Variants in KCNK12 observed in about 807,000 individuals in gnomAD.
KCNK12 encodes the protein potassium two pore domain channel subfamily K member 12.
A neutral mutation model predicts 25.3 loss-of-function variants in KCNK12; 6 were observed. The observed-to-expected ratio is 0.24, with a 90% CI of 0.13 to 0.47. KCNK12 has a LOEUF of 0.47. Among genes scored for constraint, KCNK12 ranks in the 20% least tolerant of loss-of-function variants. KCNK12 has a pLI of 0.99. For missense variants in KCNK12, 444 were observed against 661.7 expected, an observed-to-expected ratio of 0.67 and a Z score of 3.61; for synonymous variants, 331 against 311.1, an observed-to-expected ratio of 1.06 and a Z score of -0.67.
chr2:47,553,699 T>C lies in KCNK12; in HGVS notation c.391+16242A>G, dbSNP rs186293232. 3.4e-3 allele frequency among the ~76,000 whole-genome samples: 512 copies of C among 152,350 alleles called. 2 individuals are homozygous for C. Among genetic ancestry groups the C allele is most frequent in the African/African-American group, 0.012 (496 of 41,588 alleles). On this transcript the variant is annotated intron_variant, in intron 1 of 1. Transcript: ENST00000327876. ...TTACACCCCTGTTCAAGAACTCCAG[T>C]GGTTTCCTGTTGCCCCCATACCAAG...
In KCNK12 at chr2:47,540,383, C is replaced by G. The variant is rs1485842218; in HGVS notation, c.392-18575G>C. ...GTGAGAGGGCATGGGCTCACCTGCT[C>G]AGGGTTTGAATGAGACCCCGGTAAC... On this transcript the variant is annotated intron_variant, in intron 1 of 1. Coordinates refer to ENST00000327876, the MANE Select transcript of KCNK12 (RefSeq NM_022055.2). This position sits in a 1 kb window ranked among gnomAD's most constrained non-coding sequence, Gnocchi z 5.4. Among the ~76,000 whole-genome samples, 1 of 152,178 alleles carries G rather than the reference C, an allele frequency of 6.6e-6. No homozygotes were observed. The highest frequency in any genetic ancestry group is 1.5e-5 in the Non-Finnish European group (1 of 68,042).
chr2:47,530,547 G>A (rs1279996727), intron 1 of KCNK12, among the ~76,000 whole-genome samples: 1 of 152,118 alleles, frequency 6.6e-6, no homozygotes, highest in Admixed American at 6.5e-5. Context: ...GTTGTGTATC[G>A]AGCCTCACTA....
intron 1 of KCNK12, among the ~76,000 whole-genome samples, chr2:47,542,297 G>T (rs1469294546): frequency 6.6e-6 from 1 of 152,158 alleles, no homozygotes; most frequent in African/African-American, 2.4e-5. Flanking sequence ...GGGACCGACT[G>T]CTCCTCACAA....
chr2:47,562,654 G>A lies in KCNK12; in HGVS notation c.391+7287C>T, dbSNP rs995564194. On this transcript the variant is annotated intron_variant, in intron 1 of 1. Transcript: ENST00000327876. The surrounding 1 kb of genome is among the most constrained non-coding windows in gnomAD (Gnocchi z 4.8). ...GGGCCAGAGTCTCATAGCAGTGGTA[G>A]CCAAGAGTTGGCTTAGGGTGAGAGC... 1 of 233,160 alleles carries A rather than the reference G, an allele frequency of 4.3e-6. No individual in the cohort carries two copies. Among genetic ancestry groups the A allele is most frequent in the African/African-American group, 2.2e-5 (1 of 45,332 alleles). The allele number at this position is 233,160 out of a possible 1,614,324, so 14.4% of individuals were successfully genotyped here. A position where few individuals can be genotyped will look rare whatever the true frequency, so the allele number is the denominator to read the frequency against.
rs1486819944 is a variant in KCNK12, at chr2:47,548,987, G to A, written c.391+20954C>T. Among the ~76,000 whole-genome samples, 1 of 152,200 alleles carries A rather than the reference G, an allele frequency of 6.6e-6. No individual in the cohort carries two copies. Among genetic ancestry groups the A allele is most frequent in the African/African-American group, 2.4e-5 (1 of 41,446 alleles). On this transcript the variant is annotated intron_variant, in intron 1 of 1. Coordinates refer to ENST00000327876, the MANE Select transcript of KCNK12 (RefSeq NM_022055.2). This position sits in a 1 kb window ranked among gnomAD's most constrained non-coding sequence, Gnocchi z 4.4. ...AAAGGACTCCAGAAATCTACTAGGG[G>A]TCCCTCTTTGTTACTCGCAAAGGTC...
Position 47,570,791 on chromosome 2 carries a change from GC to G in KCNK12, c.-461del. On this transcript the variant is annotated 5_prime_UTR_variant, in exon 1 of 2. The change abolishes the stop of an existing upstream ORF in the 5' untranslated region. Coordinates refer to ENST00000327876, the MANE Select transcript of KCNK12 (RefSeq NM_022055.2). Reference sequence around the variant, plus strand: ...GACGCGGCAGCAAGGCGTGGAGAGAGCCCCCGGGGGCGTCCCATGAGGCGTT... The same window carrying G: ...GACGCGGCAGCAAGGCGTGGAGAGAGCCCCGGGGGCGTCCCATGAGGCGTT... The G allele has an allele frequency of 6.6e-6, 1 of 152,514 alleles. No individual in the cohort carries two copies. The highest frequency in any genetic ancestry group is 1.5e-5 in the Non-Finnish European group (1 of 68,200). 9.4% of individuals were successfully genotyped at this position (152,514 alleles called of 1,614,324 possible). A position where few individuals can be genotyped will look rare whatever the true frequency, so the allele number is the denominator to read the frequency against.
rs1437970740 is a variant in KCNK12 at position 47,570,279 on chromosome 2, G to A, written c.53C>T (p.Pro18Leu). 4 of 1,395,588 alleles carry A rather than the reference G, an allele frequency of 2.9e-6. No homozygotes were observed. The highest frequency in any genetic ancestry group is 1.5e-5 in the South Asian group (1 of 66,076). 86.5% of individuals were successfully genotyped at this position (1,395,588 alleles called of 1,614,324 possible). A position where few individuals can be genotyped will look rare whatever the true frequency, so the allele number is the denominator to read the frequency against. The change falls in exon 1 of 2, where the codon CCG becomes CTG. Residue 18 changes from proline (P) to leucine (L), a missense_variant. Coordinates refer to ENST00000327876, the MANE Select transcript of KCNK12 (RefSeq NM_022055.2). ...GCAGCAGCAGCAGCAGGAGGGGCGC[G>A]GCAGGCGGCGGCGGCTACGGCGGGG... Reference protein sequence around the residue: ...PPPRRSRRRLPRPSCCCCCCR... With the variant: ...PPPRRSRRRLLRPSCCCCCCR...
In KCNK12 at chr2:47,570,300, C is replaced by CGGGGCG; in HGVS notation, c.26_31dup (p.Pro9_Pro10dup). On this transcript the variant is annotated inframe_insertion, in exon 1 of 2. Transcript: ENST00000327876. ...GCGCGGCAGGCGGCGGCGGCTACGG[C>CGGGGCG]GGGGCGGGGGCCGGGGGCTGCGGGA... 7.3e-7 allele frequency: 1 copy of CGGGGCG among 1,360,954 alleles called. No homozygotes were observed. The highest frequency in any genetic ancestry group is 1.5e-5 in the African/African-American group (1 of 65,602). The allele number at this position is 1,360,954 out of a possible 1,614,324, so 84.3% of individuals were successfully genotyped here. A position where few individuals can be genotyped will look rare whatever the true frequency, so the allele number is the denominator to read the frequency against.
chr2:47,536,106 T>A (rs1011789522), intron 1 of KCNK12, among the ~76,000 whole-genome samples: 4 of 152,150 alleles, frequency 2.6e-5, no homozygotes, highest in Non-Finnish European at 5.9e-5. Flanking sequence ...CTGTGCACTG[T>A]CCCAGTTGGT....
At position 47,521,011 on chromosome 2, in the gene KCNK12, G is replaced by A; in HGVS notation, c.1189C>T (p.Pro397Ser). The change falls in exon 2 of 2, where the codon CCG becomes TCG. Residue 397 changes from proline to serine, a missense_variant. Transcript: ENST00000327876. ...CGCGTGTTGACGCACACGCTGCGCG[G>A]GTAGCCGTTGGCCGTCTCCGACAGC... ...KQLSETANGY[P>S]RSVCVNTRQN... 1 of 1,397,388 alleles carries A rather than the reference G, an allele frequency of 7.2e-7. No individual in the cohort carries two copies. Among genetic ancestry groups the A allele is most frequent in the Non-Finnish European group, 9.3e-7 (1 of 1,073,000 alleles). 86.6% of individuals were successfully genotyped at this position (1,397,388 alleles called of 1,614,324 possible).
chr2:47,536,977 G>C (rs1396224238), intron 1 of KCNK12, among the ~76,000 whole-genome samples: 2 of 152,198 alleles, frequency 1.3e-5, no homozygotes, highest in Non-Finnish European at 2.9e-5. Context: ...TCTGTGTTTG[G>C]ACATGATTAT....
intron 1 of KCNK12, among the ~76,000 whole-genome samples, chr2:47,537,214 A>G (rs549884479): frequency 1.3e-5 from 2 of 152,324 alleles, no homozygotes; most frequent in East Asian, 3.9e-4. Context: ...TATTTTTTGT[A>G]AATGAAATTC....
intron 1 of KCNK12, among the ~76,000 whole-genome samples, chr2:47,559,794 G>A (rs949631802): frequency 2.0e-5 from 3 of 152,230 alleles, no homozygotes; most frequent in Non-Finnish European, 4.4e-5. Flanking sequence ...AGGGCAGTAA[G>A]AGGGACTTCA....
intron 1 of KCNK12, among the ~76,000 whole-genome samples, chr2:47,546,538 T>A (rs1669319063): frequency 6.6e-6 from 1 of 152,092 alleles, no homozygotes; most frequent in Non-Finnish European, 1.5e-5. Flanking sequence ...GCACCTATAG[T>A]CCCAGATACT....
At chr2:47,544,443 T>C (rs1669268356) in intron 1 of KCNK12, among the ~76,000 whole-genome samples, 1 of 152,254 alleles carries the variant, frequency 6.6e-6, no homozygotes, top group Non-Finnish European at 1.5e-5. Flanking sequence ...TTTCAAACCC[T>C]TTCTTCCCAG....
chr2:47,561,615 G>A (rs1669672043), intron 1 of KCNK12, among the ~76,000 whole-genome samples: 2 of 152,120 alleles, frequency 1.3e-5, no homozygotes, highest in African/African-American at 4.8e-5. Context: ...TCACCAACAG[G>A]GTTGCCGAGA....
chr2:47,514,340 GCCCC>G lies in KCNK12; in HGVS notation c.*6563_*6566del, dbSNP rs956509033. ...TCAGCAGGCCGTACTGCAGCGCCCT[GCCCC>G]CGTCAGCCTCCAGGAGCCTGGAGTC... On this transcript the variant is annotated 3_prime_UTR_variant, in exon 2 of 2. Transcript: ENST00000327876. The surrounding 1 kb of genome is among the most constrained non-coding windows in gnomAD (Gnocchi z 5.0). Among the ~76,000 whole-genome samples the G allele has an allele frequency of 1.3e-5, 2 of 152,214 alleles. No individual in the cohort carries two copies. The highest frequency in any genetic ancestry group is 2.9e-5 in the Non-Finnish European group (2 of 68,028).
rs559064783 is a variant in KCNK12 at position 47,558,634 on chromosome 2, G to A, written c.391+11307C>T. On this transcript the variant is annotated intron_variant, in intron 1 of 1. Transcript: ENST00000327876. ...GCAGCTAAACAGGCTCACACGAGGC[G>A]CTCAGAATTCAGAACACTTGGCAGC... Among the ~76,000 whole-genome samples the A allele has an allele frequency of 2.6e-5, 4 of 152,312 alleles. No homozygotes were observed. The East Asian group carries it at 5.8e-4, about 22-fold the overall frequency.
rs976019856 is a variant in KCNK12 at position 47,518,831 on chromosome 2, C to T, written c.*2076G>A. On this transcript the variant is annotated 3_prime_UTR_variant, in exon 2 of 2. Coordinates refer to ENST00000327876, the MANE Select transcript of KCNK12 (RefSeq NM_022055.2). This position sits in a 1 kb window ranked among gnomAD's most constrained non-coding sequence, Gnocchi z 4.1. ...ATGGCTCTGATCCCCAAGTTATTTC[C>T]TGTTGCCTAGGTAACACCTCTAATT... 3.3e-5 allele frequency: 5 copies of T among 152,260 alleles called. No individual in the cohort carries two copies. Among genetic ancestry groups the T allele is most frequent in the African/African-American group, 1.2e-4 (5 of 41,464 alleles). 9.4% of individuals were successfully genotyped at this position (152,260 alleles called of 1,614,324 possible).
Sources: allele counts gnomAD v4.1 joint callset (sites outside exome capture counted in the v4.1 genomes callset), GRCh38; gene constraint gnomAD v4.1.1; non-coding constraint Gnocchi (gnomAD v3.1); transcripts MANE v1.5; gene names NCBI Gene and HGNC (gene_info 2026-07-23, HGNC 2026-07-21).